Variants in DISC1 observed in about 807,000 individuals in gnomAD.
DISC1 encodes disrupted in schizophrenia 1 protein.
A neutral mutation model predicts 84.5 loss-of-function variants in DISC1; 57 were observed. The ratio of observed to expected loss-of-function variants is 0.67; its 90% confidence interval spans 0.55 to 0.84. The LOEUF is 0.84. Among genes scored for constraint, DISC1 ranks in the 40% least tolerant of loss-of-function variants. The pLI is 0.00. For missense variants in DISC1, 1,000 were observed against 1,057.8 expected, an observed-to-expected ratio of 0.95 and a Z score of 0.76; for synonymous variants, 411 against 415.2, an observed-to-expected ratio of 0.99 and a Z score of 0.12.
chr1:231,790,911 A>G (rs1036899751), intron 6 of DISC1, among the ~76,000 whole-genome samples: 2 of 152,176 alleles, frequency 1.3e-5, no homozygotes, highest in Admixed American at 1.3e-4. Flanking sequence ...GAAAAGCCCT[A>G]TCTCCAAACA....
At chr1:231,910,183 T>G (rs957408212) in intron 9 of DISC1, among the ~76,000 whole-genome samples, 1 of 152,124 alleles carries the variant, frequency 6.6e-6, no homozygotes, top group Non-Finnish European at 1.5e-5. Context: ...CTTCAGTTCT[T>G]CTCTGATCTT....
intron 9 of DISC1, among the ~76,000 whole-genome samples, chr1:231,838,477 G>A (rs957635464): frequency 6.6e-6 from 1 of 152,102 alleles, no homozygotes; most frequent in Non-Finnish European, 1.5e-5. Flanking sequence ...CACATAAGCG[G>A]AGAAAAAAAC....
At chr1:231,646,937 A>G (rs1273942945) in intron 1 of DISC1, among the ~76,000 whole-genome samples, 2 of 151,936 alleles carry the variant, frequency 1.3e-5, no homozygotes, top group Non-Finnish European at 2.9e-5. Context: ...ACATTTGTTT[A>G]AGTTCTTTGT....
chr1:231,817,683 G>T (rs7548597), intron 8 of DISC1, among the ~76,000 whole-genome samples: 29,991 of 152,022 alleles, frequency 0.2, 3,263 homozygotes, highest in African/African-American at 0.25. Flanking sequence ...TCATCTTCTA[G>T]TTTTTTGTTA....
At position 232,039,414 on chromosome 1, in the gene DISC1, T is replaced by G. The variant is rs1670689254; in HGVS notation, c.*2583T>G. ...AAGTTAATAACTGCCTTGAATTGTT[T>G]GAACCCGAAATAAGGGTTCTTTGGT... On this transcript the variant is annotated 3_prime_UTR_variant, in exon 13 of 13. Coordinates refer to ENST00000439617, the MANE Select transcript of DISC1 (RefSeq NM_018662.3). 6.6e-6 allele frequency: 1 copy of G among 152,254 alleles called. No homozygotes were observed. Among genetic ancestry groups the G allele is most frequent in the African/African-American group, 2.4e-5 (1 of 41,472 alleles). The allele number at this position is 152,254 out of a possible 1,614,324, so 9.4% of individuals were successfully genotyped here.
intron 9 of DISC1, among the ~76,000 whole-genome samples, chr1:231,902,075 GTCC>G (rs1342671889): frequency 6.6e-6 from 1 of 151,852 alleles, no homozygotes; most frequent in Non-Finnish European, 1.5e-5. Context: ...ATTAGGTCTT[GTCC>G]TCATAAAATC....
chr1:231,939,355 A>G (rs974751086), intron 9 of DISC1, among the ~76,000 whole-genome samples: 1 of 151,954 alleles, frequency 6.6e-6, no homozygotes, highest in African/African-American at 2.4e-5. Flanking sequence ...TAAATGAATG[A>G]CTCCAGCCTA....
intron 9 of DISC1, among the ~76,000 whole-genome samples, chr1:231,861,130 A>G (rs2084616807): frequency 1.3e-5 from 2 of 152,196 alleles, no homozygotes; most frequent in Admixed American, 6.5e-5. Context: ...CAGGAGCTTC[A>G]TCTGGGCTCT....
At chr1:231,806,468 C>T (rs1423937433) in intron 8 of DISC1, among the ~76,000 whole-genome samples, 3 of 152,184 alleles carry the variant, frequency 2.0e-5, no homozygotes, top group Non-Finnish European at 4.4e-5. Context: ...GCTGGCTTCT[C>T]TCCCAGAGCT....
intron 9 of DISC1, among the ~76,000 whole-genome samples, chr1:231,955,486 CTTTT>C (rs200610198): frequency 2.3e-5 from 3 of 133,314 alleles, no homozygotes; most frequent in African/African-American, 2.6e-5. Context: ...TCATTCTTGA[CTTTT>C]TTTTTTTTTT....
intron 9 of DISC1, among the ~76,000 whole-genome samples, chr1:231,952,858 C>T (rs1341384807): frequency 6.6e-6 from 1 of 151,956 alleles, no homozygotes; most frequent in Non-Finnish European, 1.5e-5. Flanking sequence ...CTCTTTGTAA[C>T]TCTGACTTTT....
At chr1:231,650,735 A>G (rs2060544631) in intron 1 of DISC1, among the ~76,000 whole-genome samples, 1 of 152,092 alleles carries the variant, frequency 6.6e-6, no homozygotes, top group Admixed American at 6.5e-5. Context: ...ACATAGTCTC[A>G]TATTTCTTGG....
intron 3 of DISC1, among the ~76,000 whole-genome samples, chr1:231,736,811 G>T (rs1418709991): frequency 6.6e-6 from 1 of 152,164 alleles, no homozygotes; most frequent in East Asian, 1.9e-4. Context: ...AGCTTTAAAA[G>T]ACCTCCTTAG....
intron 9 of DISC1, among the ~76,000 whole-genome samples, chr1:231,827,209 A>T (rs2081916681): frequency 6.6e-6 from 1 of 152,062 alleles, no homozygotes; most frequent in Non-Finnish European, 1.5e-5. Flanking sequence ...GCTGGTCTTG[A>T]ACTCCTGACC....
chr1:231,934,169 T>C (rs1488023627), intron 9 of DISC1, among the ~76,000 whole-genome samples: 1 of 152,118 alleles, frequency 6.6e-6, no homozygotes, highest in African/African-American at 2.4e-5. Context: ...CGTGCAGCAA[T>C]AGCTGTGAGG....
chr1:232,010,441 G>T (rs1164514043), intron 11 of DISC1, among the ~76,000 whole-genome samples: 2 of 152,170 alleles, frequency 1.3e-5, no homozygotes, highest in Non-Finnish European at 2.9e-5. Flanking sequence ...TCGGTGTGGG[G>T]CAGTCAGAAG....
At chr1:231,819,459 G>C (rs1052056095) in intron 9 of DISC1, among the ~76,000 whole-genome samples, 10 of 151,562 alleles carry the variant, frequency 6.6e-5, no homozygotes, top group African/African-American at 2.4e-4. Flanking sequence ...TTTGTGTAGA[G>C]AGAGGTTTCT....
chr1:231,695,052 G>A (rs1572944025), intron 2 of DISC1, among the ~76,000 whole-genome samples: 1 of 152,214 alleles, frequency 6.6e-6, no homozygotes, highest in African/African-American at 2.4e-5. Context: ...TGGGCCGCAG[G>A]CTCCTCTGCA....
In DISC1 at chr1:232,008,806, G is replaced by A. The variant is rs529752304; in HGVS notation, c.2064G>A (p.Gly688=). Residue 688 remains glycine (G), a synonymous_variant, in exon 11 of 13, where the codon GGG becomes GGA. Transcript: ENST00000439617. ...KLCSCKCPLL[G]KVWEADLEAC... is the part of the protein sequence containing the mutation. ...TCAGCTGCAAGTGTCCACTGCTTGG[G>A]AAAGTGTGGGAAGCTGACTTGGAAG... 1.1e-5 allele frequency: 17 copies of A among 1,583,386 alleles called. No individual in the cohort carries two copies. In the South Asian group the frequency reaches 2.0e-4, roughly 19 times the overall value.
Sources: allele counts gnomAD v4.1 joint callset (sites outside exome capture counted in the v4.1 genomes callset), GRCh38; gene constraint gnomAD v4.1.1; transcripts MANE v1.5; gene names NCBI Gene and HGNC (gene_info 2026-07-23, HGNC 2026-07-21).